CSMD1: variants seen among roughly 807,000 people sequenced by gnomAD.
CSMD1 encodes the protein CUB and Sushi multiple domains 1, also known as CUB and sushi domain-containing protein 1.
In CSMD1, 213 loss-of-function variants were observed where a neutral mutation model predicts 417.5. The observed-to-expected ratio is 0.51, with a 90% CI of 0.46 to 0.57. The LOEUF (loss-of-function observed/expected upper bound fraction) is 0.57, where lower values mean the gene tolerates loss of function less well. CSMD1 is among the 20% of genes least tolerant of loss of function. The probability of loss-of-function intolerance (pLI) is 0.00; values close to 1 mark genes in which losing one functional copy is unlikely to be tolerated. For missense variants in CSMD1, 6,923 were observed against 4,529.7 expected (o/e 1.53, Z -15.17); for synonymous variants, 2,862 against 1,736.8 (o/e 1.65, Z -16.11).
intron 5 of CSMD1, among the ~76,000 whole-genome samples, chr8:3,986,941 C>G (rs1814373337): frequency 6.6e-6 from 1 of 151,908 alleles, no homozygotes; most frequent in Non-Finnish European, 1.5e-5. Flanking sequence ...TTTTAGTATA[C>G]AGGGCGTTTC....
chr8:3,209,838 T>C (rs1273339686), intron 30 of CSMD1, among the ~76,000 whole-genome samples: 1 of 152,310 alleles, frequency 6.6e-6, no homozygotes, highest in East Asian at 1.9e-4. Context: ...AGCTTGCTTA[T>C]CCATTTGGCT....
At chr8:4,317,112 G>C (rs1337658217) in intron 3 of CSMD1, among the ~76,000 whole-genome samples, 1 of 152,078 alleles carries the variant, frequency 6.6e-6, no homozygotes. Flanking sequence ...TTTCCAACTG[G>C]CCAAGCACAT....
At position 3,932,194 on chromosome 8, in the gene CSMD1, C is replaced by G. The variant is rs188464906; in HGVS notation, c.818+65709G>C. Among the ~76,000 whole-genome samples the G allele has an allele frequency of 1.3e-3, 200 of 150,292 alleles. 11 individuals are homozygous for G. Among genetic ancestry groups the G allele is most frequent in the Non-Finnish European group, 2.6e-3 (172 of 67,428 alleles). Reference sequence around the variant, plus strand: ...TTCCTAACTGTAGACACTGTTTCATCGATACTTTGGTCCCATATCATGTTA... The same window carrying G: ...TTCCTAACTGTAGACACTGTTTCATGGATACTTTGGTCCCATATCATGTTA... On this transcript the variant is annotated intron_variant, in intron 5 of 69. Coordinates refer to ENST00000635120, the MANE Select transcript of CSMD1 (RefSeq NM_033225.6).
intron 6 of CSMD1, among the ~76,000 whole-genome samples, chr8:3,711,415 G>C (rs1801503193): frequency 6.6e-6 from 1 of 152,108 alleles, no homozygotes; most frequent in Admixed American, 6.5e-5. Context: ...CCCAGAGACA[G>C]ACAGTCACCT....
intron 1 of CSMD1, among the ~76,000 whole-genome samples, chr8:4,759,042 T>G (rs561754087): frequency 6.6e-6 from 1 of 151,990 alleles, no homozygotes; most frequent in South Asian, 2.1e-4. Flanking sequence ...GGAGATGGAG[T>G]TGATGTGCAG....
intron 2 of CSMD1, among the ~76,000 whole-genome samples, chr8:4,532,346 G>A (rs1046221931): frequency 1.3e-5 from 2 of 148,632 alleles, no homozygotes; most frequent in Non-Finnish European, 3.0e-5. Context: ...CACTCTGAAA[G>A]AGAAATCCTG....
intron 2 of CSMD1, among the ~76,000 whole-genome samples, chr8:4,493,807 G>A (rs918999681): frequency 1.3e-5 from 2 of 152,170 alleles, no homozygotes; most frequent in African/African-American, 4.8e-5. Context: ...CTGAGGAGGA[G>A]CCACTAGAGG....
At chr8:3,684,341 T>A (rs915538051) in intron 7 of CSMD1, among the ~76,000 whole-genome samples, 2 of 146,336 alleles carry the variant, frequency 1.4e-5, no homozygotes, top group African/African-American at 5.0e-5. Flanking sequence ...ATATATTATA[T>A]AAAACATACA....
chr8:4,709,927 C>G (rs1487339449), intron 1 of CSMD1, among the ~76,000 whole-genome samples: 2 of 151,988 alleles, frequency 1.3e-5, no homozygotes, highest in East Asian at 1.9e-4. Flanking sequence ...AAACTAGAAA[C>G]CATAAGAAAA....
intron 3 of CSMD1, among the ~76,000 whole-genome samples, chr8:4,218,528 A>C (rs1800826910): frequency 6.6e-6 from 1 of 152,196 alleles, no homozygotes; most frequent in Non-Finnish European, 1.5e-5. Context: ...TATGCCTCTA[A>C]ACTCACATTT....
At chr8:4,432,118 A>G (rs974102559) in intron 2 of CSMD1, among the ~76,000 whole-genome samples, 3 of 152,242 alleles carry the variant, frequency 2.0e-5, no homozygotes, top group Non-Finnish European at 4.4e-5. Flanking sequence ...AAAGGTGATT[A>G]TATAAAATAA....
intron 42 of CSMD1, among the ~76,000 whole-genome samples, chr8:3,118,049 TCTGATATAACCA>T (rs1816972928): frequency 6.6e-6 from 1 of 152,198 alleles, no homozygotes; most frequent in African/African-American, 2.4e-5. Flanking sequence ...GGTCCTACAA[TCTGATATAACCA>T]CTGTAAAGCT....
rs1355545051 is a variant in CSMD1 at position 4,622,582 on chromosome 8, T to A, written c.302+14760A>T. ...ATAGTGGCAGCTGGCAAACGCGACATGTGTACAAGGTTTGGTTTCGGAATT... is the reference window on the plus strand; with the variant it reads ...ATAGTGGCAGCTGGCAAACGCGACAAGTGTACAAGGTTTGGTTTCGGAATT... On this transcript the variant is annotated intron_variant, in intron 2 of 69. Coordinates refer to ENST00000635120, the MANE Select transcript of CSMD1 (RefSeq NM_033225.6). Among the ~76,000 whole-genome samples the A allele has an allele frequency of 2.0e-5, 3 of 152,104 alleles. No individual in the cohort carries two copies. The East Asian group carries it at 5.8e-4, about 29-fold the overall frequency.
intron 8 of CSMD1, among the ~76,000 whole-genome samples, chr8:3,607,162 T>C (rs893487196): frequency 1.3e-5 from 2 of 152,192 alleles, no homozygotes; most frequent in Non-Finnish European, 2.9e-5. Context: ...AAACCTTTTG[T>C]TATAAACTAA....
At position 3,674,839 on chromosome 8, in the gene CSMD1, T is replaced by C. The variant is rs540031943; in HGVS notation, c.1009+33575A>G. The stretch of plus-strand genomic sequence containing the variant: ...GCTGCACTGAAGTTATCAGGGCACT[T>C]TGCAGTAAAGACTATCCTTTAAATT... On this transcript the variant is annotated intron_variant, in intron 7 of 69. Transcript: ENST00000635120. Among the ~76,000 whole-genome samples, 27 of 152,302 alleles carry C rather than the reference T, an allele frequency of 1.8e-4. No individual in the cohort carries two copies. In the South Asian group the frequency reaches 3.7e-3, roughly 21 times the overall value.
chr8:4,402,153 C>G (rs1585019736), intron 3 of CSMD1, among the ~76,000 whole-genome samples: 1 of 152,092 alleles, frequency 6.6e-6, no homozygotes, highest in Admixed American at 6.6e-5. Context: ...GGTCAGAGAC[C>G]AGCCCTAATA....
intron 2 of CSMD1, among the ~76,000 whole-genome samples, chr8:4,425,109 A>G (rs1978844): frequency 6.6e-6 from 1 of 151,738 alleles, no homozygotes; most frequent in African/African-American, 2.4e-5. Context: ...AGTTAGGTAC[A>G]AAATAATGTG....
chr8:4,142,140 A>C (rs1172509562), intron 3 of CSMD1, among the ~76,000 whole-genome samples: 4 of 151,182 alleles, frequency 2.6e-5, no homozygotes, highest in Non-Finnish European at 5.9e-5. Context: ...CATATGTAAA[A>C]CATATGTTAA....
chr8:3,078,844 C>T (rs1813881543), intron 49 of CSMD1, among the ~76,000 whole-genome samples: 2 of 152,118 alleles, frequency 1.3e-5, no homozygotes, highest in Admixed American at 1.3e-4. Context: ...TAGGTTTGCA[C>T]CAAAAACACT....
Sources: gnomAD v4.1 joint callset for allele counts (sites outside exome capture counted in the v4.1 genomes callset) on GRCh38, gnomAD v4.1.1 for gene constraint, MANE v1.5 for transcripts, NCBI Gene and HGNC (gene_info 2026-07-23, HGNC 2026-07-21) for gene names.